NFATC1: variants seen among roughly 807,000 people sequenced by gnomAD.
NFATC1 encodes the protein nuclear factor of activated T-cells, cytoplasmic 1.
In NFATC1, 22 loss-of-function variants were observed where a neutral mutation model predicts 76.0. That is an observed-to-expected ratio of 0.29 (90% confidence interval 0.21 to 0.41). The LOEUF (loss-of-function observed/expected upper bound fraction) is 0.41, where lower values mean the gene tolerates loss of function less well. NFATC1 is among the 10% of genes least tolerant of loss of function. The probability of loss-of-function intolerance (pLI) is 1.00; values close to 1 mark genes in which losing one functional copy is unlikely to be tolerated. For missense variants in NFATC1, 1,357 were observed against 1,337.7 expected, an observed-to-expected ratio of 1.01 and a Z score of -0.23; for synonymous variants, 704 against 613.1, an observed-to-expected ratio of 1.15 and a Z score of -2.19.
intron 8 of NFATC1, among the ~76,000 whole-genome samples, chr18:79,473,903 T>C (rs917102867): frequency 2.1e-5 from 3 of 143,914 alleles, no homozygotes; most frequent in African/African-American, 7.9e-5. Flanking sequence ...ACTGTCGACG[T>C]TGTGAGGGAA....
At chr18:79,466,361 G>A (rs865826943) in intron 7 of NFATC1, among the ~76,000 whole-genome samples, 2 of 152,140 alleles carry the variant, frequency 1.3e-5, no homozygotes, top group East Asian at 1.9e-4. Context: ...TTATAGATGC[G>A]ACTCCCGCCA....
intron 1 of NFATC1, among the ~76,000 whole-genome samples, chr18:79,402,882 C>T (rs2085314742): frequency 6.6e-6 from 1 of 152,236 alleles, no homozygotes; most frequent in Non-Finnish European, 1.5e-5. Flanking sequence ...ATAGAAACTA[C>T]TTCACGTTGT....
intron 6 of NFATC1, among the ~76,000 whole-genome samples, chr18:79,458,733 C>CG (rs1400143858): frequency 6.6e-6 from 1 of 152,218 alleles, no homozygotes; most frequent in Non-Finnish European, 1.5e-5. Context: ...TTGAACAGCA[C>CG]GGGGGCCGGC....
intron 9 of NFATC1, chr18:79,523,989 G>A (rs1395292043): frequency 2.0e-5 from 3 of 152,238 alleles, no homozygotes; most frequent in Non-Finnish European, 4.4e-5. Flanking sequence ...CTTTGTGTCT[G>A]TGGAAAAGCT....
chr18:79,412,421 G>GTT (rs1324049186), intron 2 of NFATC1, among the ~76,000 whole-genome samples: 3 of 150,834 alleles, frequency 2.0e-5, no homozygotes, highest in African/African-American at 7.3e-5. Flanking sequence ...CAGGCTGGGT[G>GTT]TTTTCCTGTT....
intron 2 of NFATC1, among the ~76,000 whole-genome samples, chr18:79,424,827 CTCTCCA>C (rs1462008231): frequency 9.6e-5 from 13 of 135,436 alleles, no homozygotes; most frequent in African/African-American, 2.9e-4. Context: ...CTCTCTGTCT[CTCTCCA>C]TCTCTGTCTC....
At position 79,461,210 on chromosome 18, in the gene NFATC1, C is replaced by CCT. The variant is rs1316027655; in HGVS notation, c.1904-99_1904-98dup. ...ACGTGGGTCTCCTGGGACAAGGCGC[C>CCT]CTCCTGGCTCAGGGCCCTGGGTCTG... On this transcript the variant is annotated intron_variant, in intron 6 of 9. Coordinates refer to ENST00000427363, the MANE Select transcript of NFATC1 (RefSeq NM_001278669.2). 2.1e-5 allele frequency: 29 copies of CCT among 1,399,680 alleles called. No homozygotes were observed. The African/African-American group carries it at 2.7e-4, about 13-fold the overall frequency. The allele number at this position is 1,399,680 out of a possible 1,614,324, so 86.7% of individuals were successfully genotyped here.
chr18:79,456,012 C>T (rs535436988), intron 6 of NFATC1, among the ~76,000 whole-genome samples: 38 of 152,298 alleles, frequency 2.5e-4, no homozygotes, highest in African/African-American at 7.7e-4. Flanking sequence ...ACCAAAGGCC[C>T]GGGCCTTTCC....
At chr18:79,413,069 C>T (rs570355927) in intron 2 of NFATC1, among the ~76,000 whole-genome samples, 22 of 152,290 alleles carry the variant, frequency 1.4e-4, no homozygotes, top group Non-Finnish European at 2.8e-4. Context: ...AAAGTACAAG[C>T]GTAGTGGCAC....
intron 1 of NFATC1, among the ~76,000 whole-genome samples, chr18:79,401,778 G>T (rs1447090552): frequency 6.6e-6 from 1 of 152,150 alleles, no homozygotes; most frequent in East Asian, 1.9e-4. Flanking sequence ...CAGTCATCGG[G>T]GGTCGGGTGG....
Position 79,503,257 on chromosome 18 carries a change from C to T in NFATC1, c.2782+16320C>T, listed in dbSNP as rs955893639. On this transcript the variant is annotated intron_variant, in intron 9 of 9. Transcript: ENST00000427363. ...CCTTGCATGCACACCTCAGAGACGT[C>T]GCAGGTTCAGCCTCAGACCACTGGG... Among the ~76,000 whole-genome samples the T allele has an allele frequency of 1.1e-4, 17 of 152,272 alleles. No homozygotes were observed. The East Asian group carries it at 1.7e-3, about 16-fold the overall frequency.
At chr18:79,474,075 T>C (rs2088915459) in intron 8 of NFATC1, among the ~76,000 whole-genome samples, 1 of 139,954 alleles carries the variant, frequency 7.1e-6, no homozygotes, top group African/African-American at 2.8e-5. Flanking sequence ...GAGGGAAGCG[T>C]GTTCTCACGC....
intron 2 of NFATC1, among the ~76,000 whole-genome samples, chr18:79,425,135 C>G (rs901763744): frequency 6.6e-6 from 1 of 151,778 alleles, no homozygotes; most frequent in Non-Finnish European, 1.5e-5. Context: ...CTCTCTGTCT[C>G]TGCCTCTCTG....
chr18:79,525,612 T>C (rs1393062470), intron 9 of NFATC1, among the ~76,000 whole-genome samples: 1 of 152,236 alleles, frequency 6.6e-6, no homozygotes, highest in Non-Finnish European at 1.5e-5. Flanking sequence ...GGCTTCATTA[T>C]TTCTTTGTAG....
At chr18:79,436,521 C>T (rs1431160748) in intron 3 of NFATC1, among the ~76,000 whole-genome samples, 4 of 150,720 alleles carry the variant, frequency 2.7e-5, no homozygotes, top group East Asian at 2.1e-4. Context: ...CCGGTATCCC[C>T]GTCCTCCCGC....
intron 9 of NFATC1, among the ~76,000 whole-genome samples, chr18:79,508,655 C>T (rs537887323): frequency 1.3e-5 from 2 of 152,108 alleles, no homozygotes; most frequent in East Asian, 3.9e-4. Flanking sequence ...GTCTCTTTCT[C>T]AGTCTGTCTC....
chr18:79,511,750 G>C (rs1056504672), intron 9 of NFATC1, among the ~76,000 whole-genome samples: 2 of 152,058 alleles, frequency 1.3e-5, no homozygotes, highest in African/African-American at 2.4e-5. Context: ...GGCTCTCAGT[G>C]GGGGGCCAGC....
chr18:79,515,151 C>T (rs1027287381), intron 9 of NFATC1, among the ~76,000 whole-genome samples: 45 of 152,022 alleles, frequency 3.0e-4, no homozygotes, highest in African/African-American at 9.4e-4. Context: ...TTGAGACCAG[C>T]GTGGCCAACA....
Position 79,410,657 on chromosome 18 carries a change from C to A in NFATC1, c.382C>A (p.Leu128Met). 2 of 1,613,266 alleles carry A rather than the reference C, an allele frequency of 1.2e-6. No homozygotes were observed. Among genetic ancestry groups the A allele is most frequent in the Non-Finnish European group, 1.7e-6 (2 of 1,180,028 alleles). ...PRIEITSCLG[L>M]YHNNNQFFHD... Reference sequence around the variant, plus strand: ...CATCGAGATAACCTCGTGCTTGGGCCTGTACCACAACAATAACCAGTTTTT... The same window carrying A: ...CATCGAGATAACCTCGTGCTTGGGCATGTACCACAACAATAACCAGTTTTT... Residue 128 changes from leucine (L) to methionine (M), a missense_variant, in exon 2 of 10, where the codon CTG becomes ATG. By Grantham distance (15) the Leu-to-Met change is conservative. Transcript: ENST00000427363. This position sits in a 1 kb window ranked among gnomAD's most constrained non-coding sequence, Gnocchi z 6.7.
Sources: gnomAD v4.1 joint callset for allele counts (sites outside exome capture counted in the v4.1 genomes callset) on GRCh38, gnomAD v4.1.1 for gene constraint, Gnocchi (gnomAD v3.1) non-coding constraint, MANE v1.5 for transcripts, NCBI Gene and HGNC (gene_info 2026-07-23, HGNC 2026-07-21) for gene names.